The following ARHGEF19 variants were observed in gnomAD, a reference collection of about 807,000 sequenced individuals.
ARHGEF19 encodes Rho guanine nucleotide exchange factor 19.
ARHGEF19 carries 92 observed loss-of-function variants against 87.6 expected under a neutral mutation model. The observed-to-expected ratio is 1.05, with a 90% CI of 0.89 to 1.25. The LOEUF (loss-of-function observed/expected upper bound fraction) is 1.25, where lower values mean the gene tolerates loss of function less well. ARHGEF19 is among the 50% of genes most tolerant of loss of function. ARHGEF19 has a pLI of 0.00. For synonymous variants in ARHGEF19, 438 were observed against 446.2 expected, an observed-to-expected ratio of 0.98 and a Z score of 0.23; for missense variants, 1,054 against 1,051.8, an observed-to-expected ratio of 1.00 and a Z score of -0.03.
At position 16,212,585 on chromosome 1, in the gene ARHGEF19, T is replaced by C. The variant is rs2081206606; in HGVS notation, c.-113A>G. 6.6e-6 allele frequency: 1 copy of C among 152,506 alleles called. No homozygotes were observed. The highest frequency in any genetic ancestry group is 2.4e-5 in the African/African-American group (1 of 41,422). The allele number at this position is 152,506 out of a possible 1,614,324, so 9.4% of individuals were successfully genotyped here. On this transcript the variant is annotated 5_prime_UTR_variant, in exon 1 of 16. Transcript: ENST00000270747. ...GGGCTCTGGGGTTGCAGCCAAGTCC[T>C]CAGGGGGCGATGTCAGCATGTCAGC...
At chr1:16,202,076 C>T (rs1425512524) in intron 13 of ARHGEF19, among the ~76,000 whole-genome samples, 1 of 152,082 alleles carries the variant, frequency 6.6e-6, no homozygotes, top group Non-Finnish European at 1.5e-5. Context: ...GGCCCAGAAC[C>T]CCCTGGATGC....
chr1:16,205,605 C>A lies in ARHGEF19; in HGVS notation c.1514G>T (p.Arg505Leu), dbSNP rs372643435. ...GATAAGGAAGGAGGTAAGGGGCAGA[C>A]GCTGGCACACAGGAGACTCCTCCAG... ...ARLEESPVCQRLPLTSFLILP... is the reference protein window; with the variant it reads ...ARLEESPVCQLLPLTSFLILP... Residue 505 changes from arginine (R) to leucine (L), a missense_variant, in exon 9 of 16, where the codon CGT becomes CTT. Physicochemically the swap from Arg to Leu is moderately radical, Grantham distance 102. Transcript: ENST00000270747. The surrounding 1 kb of genome is among the most constrained non-coding windows in gnomAD (Gnocchi z 5.8). 5 of 1,613,840 alleles carry A rather than the reference C, an allele frequency of 3.1e-6. No homozygotes were observed. The highest frequency in any genetic ancestry group is 3.4e-6 in the Non-Finnish European group (4 of 1,179,914).
Position 16,198,308 on chromosome 1 carries a change from G to C in ARHGEF19, c.*279C>G, listed in dbSNP as rs913398360. On this transcript the variant is annotated 3_prime_UTR_variant, in exon 16 of 16. Transcript: ENST00000270747. The surrounding 1 kb of genome is among the most constrained non-coding windows in gnomAD (Gnocchi z 4.1). ...CAGGATTGAGGACATAGAAAGGAGAGGGCCCCAGTCTTTGCCAGGTATCAG... is the reference window on the plus strand; with the variant it reads ...CAGGATTGAGGACATAGAAAGGAGACGGCCCCAGTCTTTGCCAGGTATCAG... The C allele has an allele frequency of 6.4e-6, 2 of 310,874 alleles. No individual in the cohort carries two copies. The highest frequency in any genetic ancestry group is 4.3e-5 in the African/African-American group (2 of 46,946). The allele number at this position is 310,874 out of a possible 1,614,324, so 19.3% of individuals were successfully genotyped here. A position where few individuals can be genotyped will look rare whatever the true frequency, so the allele number is the denominator to read the frequency against.
chr1:16,199,323 A>C, intron 14 of ARHGEF19, 69 bp from the exon 15 acceptor site: 1 of 1,161,754 alleles, frequency 8.6e-7, no homozygotes, highest in South Asian at 1.2e-5. Flanking sequence ...TGGGTAGGGC[A>C]GGGAGGGGCA....
At position 16,207,769 on chromosome 1, in the gene ARHGEF19, A is replaced by C. The variant is rs763374027; in HGVS notation, c.703T>G (p.Ser235Ala). The change falls in exon 4 of 16, where the codon TCT (serine) becomes GCT (alanine). Residue 235 changes from serine (S) to alanine (A), a missense_variant. By Grantham distance (99) the Ser-to-Ala change is moderately conservative (BLOSUM62 1). Coordinates refer to ENST00000270747, the MANE Select transcript of ARHGEF19 (RefSeq NM_153213.5). This position sits in a 1 kb window ranked among gnomAD's most constrained non-coding sequence, Gnocchi z 4.0. ...GTGAAREGKASGMEARSVEMS... is the reference protein window; with the variant it reads ...GTGAAREGKAAGMEARSVEMS... ...TCTACACTTCGAGCCTCCATTCCAG[A>C]TGCTTTCCCTGGAGAGGGCGAGAAC... is the stretch of plus-strand genomic sequence containing the variant. 9 of 1,613,670 alleles carry C rather than the reference A, an allele frequency of 5.6e-6. No individual in the cohort carries two copies. In the Admixed American group the frequency reaches 6.7e-5, roughly 12 times the overall value.
chr1:16,211,586 G>A (rs114967638), intron 1 of ARHGEF19, among the ~76,000 whole-genome samples: 1,832 of 142,696 alleles, frequency 0.013, 31 homozygotes, highest in Admixed American at 0.024. Flanking sequence ...GAAGCTGGAG[G>A]CAGGTCCCTA....
At chr1:16,201,656 C>G (rs1006485877) in intron 14 of ARHGEF19, 126 bp downstream of exon 14, 5 of 974,386 alleles carry the variant, frequency 5.1e-6, no homozygotes, top group Non-Finnish European at 7.5e-6. Flanking sequence ...AGAGCTACCC[C>G]TGACTGCCCC....
rs995584784 is a variant in ARHGEF19 at position 16,206,767 on chromosome 1, C to T, written c.1137+181G>A. Among the ~76,000 whole-genome samples, 5 of 152,162 alleles carry T rather than the reference C, an allele frequency of 3.3e-5. No individual in the cohort carries two copies. The highest frequency in any genetic ancestry group is 1.2e-4 in the African/African-American group (5 of 41,536). On this transcript the variant is annotated intron_variant, in intron 6 of 15. Transcript: ENST00000270747. This position sits in a 1 kb window ranked among gnomAD's most constrained non-coding sequence, Gnocchi z 4.6. ...CCCTCGCCTCTCGCTCAGCGGCTTGCTGTCCTCGCTTCCAGACGGCCTCGT... is the reference window on the plus strand; with the variant it reads ...CCCTCGCCTCTCGCTCAGCGGCTTGTTGTCCTCGCTTCCAGACGGCCTCGT...
chr1:16,200,772 G>A (rs1231329476), intron 14 of ARHGEF19, among the ~76,000 whole-genome samples: 1 of 150,844 alleles, frequency 6.6e-6, no homozygotes, highest in African/African-American at 2.4e-5. Flanking sequence ...GTGGTGGCAA[G>A]TGCCTGTAAT....
At position 16,206,201 on chromosome 1, in the gene ARHGEF19, T is replaced by A; in HGVS notation, c.1277A>T (p.Glu426Val). ...DKQWLFSKLPEVKSTSERFLQ... is the reference protein window; with the variant it reads ...DKQWLFSKLPVVKSTSERFLQ... ...TCACCTCTCGCTGGTGCTCTTGACC[T>A]CGGGCAGTTTGGAAAACAGCCACTG... The change falls in exon 7 of 16, where the codon GAG becomes GTG. Residue 426 changes from glutamate (E) to valine (V), a missense_variant. Physicochemically the swap from Glu to Val is moderately radical, Grantham distance 121. Transcript: ENST00000270747. This position sits in a 1 kb window ranked among gnomAD's most constrained non-coding sequence, Gnocchi z 4.6. The A allele has an allele frequency of 6.3e-7, 1 of 1,598,196 alleles. No individual in the cohort carries two copies. Among genetic ancestry groups the A allele is most frequent in the East Asian group, 2.2e-5 (1 of 44,476 alleles).
rs2081085876 is a variant in ARHGEF19 at position 16,201,836 on chromosome 1, C to T, written c.2092G>A (p.Ala698Thr). 6.2e-7 allele frequency: 1 copy of T among 1,613,818 alleles called. No homozygotes were observed. Among genetic ancestry groups the T allele is most frequent in the African/African-American group, 1.3e-5 (1 of 74,912 alleles). ...TCCTGGGGGCTGGAGGGGCACAAGG[C>T]TGAGATCCATCGCTGCTTCTCACTT... Reference protein sequence around the residue: ...TESEKQRWISALCPSSPQEDK... With the variant: ...TESEKQRWISTLCPSSPQEDK... The change falls in exon 14 of 16, where the codon GCC (alanine) becomes ACC (threonine). Residue 698 changes from alanine to threonine, a missense_variant. Transcript: ENST00000270747.
In ARHGEF19 at chr1:16,201,582, T is replaced by C. The variant is rs546066530; in HGVS notation, c.2146+200A>G. Among the ~76,000 whole-genome samples the C allele has an allele frequency of 9.8e-5, 15 of 152,338 alleles. No individual in the cohort carries two copies. In the East Asian group the frequency reaches 2.7e-3, roughly 27 times the overall value. ...TACGAAGGCTTTATGATCTCCAGGA[T>C]GCTGCCTGTGGACACAGAGTCCACC... On this transcript the variant is annotated intron_variant, in intron 14 of 15. Coordinates refer to ENST00000270747, the MANE Select transcript of ARHGEF19 (RefSeq NM_153213.5).
rs565562585 is a variant in ARHGEF19 at position 16,207,324 on chromosome 1, T to G, written c.875-114A>C. The G allele has an allele frequency of 7.5e-5, 104 of 1,394,038 alleles. No homozygotes were observed. The East Asian group carries it at 1.6e-3, about 21-fold the overall frequency. The allele number at this position is 1,394,038 out of a possible 1,614,324, so 86.4% of individuals were successfully genotyped here. A position where few individuals can be genotyped will look rare whatever the true frequency, so the allele number is the denominator to read the frequency against. On this transcript the variant is annotated intron_variant, in intron 5 of 15. Transcript: ENST00000270747. This position sits in a 1 kb window ranked among gnomAD's most constrained non-coding sequence, Gnocchi z 4.0. ...TAACCTTTGCCGCGGTTCGGATATCTGGACACAGTGAATTCATTCATTCAT... is the reference window on the plus strand; with the variant it reads ...TAACCTTTGCCGCGGTTCGGATATCGGGACACAGTGAATTCATTCATTCAT...
At chr1:16,202,336 G>T in intron 13 of ARHGEF19, 80 bp downstream of exon 13, 1 of 814,012 alleles carries the variant, frequency 1.2e-6, no homozygotes, top group Non-Finnish European at 1.6e-6. Flanking sequence ...CCGCCATGGG[G>T]ACGGGGTGCC....
At chr1:16,203,696 A>G (rs981058720) in intron 12 of ARHGEF19, among the ~76,000 whole-genome samples, 3 of 152,156 alleles carry the variant, frequency 2.0e-5, no homozygotes, top group African/African-American at 7.2e-5. Flanking sequence ...CTTCTACCCT[A>G]CCATGACTCT....
chr1:16,208,697 G>A lies in ARHGEF19; in HGVS notation c.358C>T (p.Arg120Ter), dbSNP rs748376278. 125 of 1,606,964 alleles carry A rather than the reference G, an allele frequency of 7.8e-5. No homozygotes were observed. Among genetic ancestry groups the A allele is most frequent in the Non-Finnish European group, 1.0e-4 (121 of 1,177,864 alleles). Reference protein sequence around the residue: ...PPALEGPWSPRHTQPQRRASH... With the variant: ...PPALEGPWSP ...GCCCGGCGCTGTGGCTGTGTGTGTC[G>A]GGGACTCCAGGGTCCCTCCAGAGCT... is the stretch of plus-strand genomic sequence containing the variant. Residue 120 changes from arginine to a stop codon, truncating the protein, a stop_gained, in exon 2 of 16, where the codon CGA becomes TGA. Coordinates refer to ENST00000270747, the MANE Select transcript of ARHGEF19 (RefSeq NM_153213.5). LOFTEE classifies it high-confidence loss of function.
chr1:16,208,343 C>T, intron 2 of ARHGEF19, 118 bp from the exon 3 acceptor site: 1 of 1,306,052 alleles, frequency 7.7e-7, no homozygotes, highest in Non-Finnish European at 1.0e-6. Flanking sequence ...AAGGGAAGGG[C>T]CTGTGTTTCT....
intron 1 of ARHGEF19, among the ~76,000 whole-genome samples, chr1:16,211,244 G>T (rs990945805): frequency 3.3e-5 from 5 of 151,956 alleles, no homozygotes; most frequent in African/African-American, 9.7e-5. Context: ...ACATTATATC[G>T]CAGGAGTGTG....
rs2081138985 is a variant in ARHGEF19 at position 16,206,640 on chromosome 1, C to A, written c.1138-300G>T. 1 of 553,264 alleles carries A rather than the reference C, an allele frequency of 1.8e-6. No individual in the cohort carries two copies. The highest frequency in any genetic ancestry group is 1.9e-5 in the African/African-American group (1 of 52,042). The allele number at this position is 553,264 out of a possible 1,614,324, so 34.3% of individuals were successfully genotyped here. A position where few individuals can be genotyped will look rare whatever the true frequency, so the allele number is the denominator to read the frequency against. On this transcript the variant is annotated intron_variant, in intron 6 of 15. Transcript: ENST00000270747. The surrounding 1 kb of genome is among the most constrained non-coding windows in gnomAD (Gnocchi z 4.6). Reference sequence around the variant, plus strand: ...TGGCCCCGCCTTGTTCCGCGCCCACCAGGCGTTTGCTCTTCCAATGGTTCC... The same window carrying A: ...TGGCCCCGCCTTGTTCCGCGCCCACAAGGCGTTTGCTCTTCCAATGGTTCC...
Sources: allele counts gnomAD v4.1 joint callset (sites outside exome capture counted in the v4.1 genomes callset), GRCh38; gene constraint gnomAD v4.1.1; non-coding constraint Gnocchi (gnomAD v3.1); transcripts MANE v1.5; gene names NCBI Gene and HGNC (gene_info 2026-07-23, HGNC 2026-07-21).